The following LRBA variants were observed in gnomAD, a reference collection of about 807,000 sequenced individuals.
The protein encoded by LRBA is LPS responsive beige-like anchor protein, also known as lipopolysaccharide-responsive and beige-like anchor protein.
LRBA carries 176 observed loss-of-function variants against 330.0 expected under a neutral mutation model. That is an observed-to-expected ratio of 0.53 (90% CI 0.47 to 0.60). The LOEUF (loss-of-function observed/expected upper bound fraction) is 0.60. Among genes scored for constraint, LRBA ranks in the 20% least tolerant of loss-of-function variants. The probability of loss-of-function intolerance (pLI) is 0.00; values close to 1 mark genes in which losing one functional copy is unlikely to be tolerated. For missense variants in LRBA, 3,259 were observed against 3,444.8 expected, an observed-to-expected ratio of 0.95 and a Z score of 1.35; for synonymous variants, 1,230 against 1,193.0, an observed-to-expected ratio of 1.03 and a Z score of -0.64.
chr4:150,900,453 G>A (rs185258912), intron 13 of LRBA, among the ~76,000 whole-genome samples: 2 of 152,254 alleles, frequency 1.3e-5, no homozygotes, highest in African/African-American at 2.4e-5. Flanking sequence ...ATCAAATATG[G>A]AAACTTTTTG....
intron 47 of LRBA, among the ~76,000 whole-genome samples, chr4:150,413,756 G>T (rs1490709211): frequency 6.6e-6 from 1 of 151,984 alleles, no homozygotes; most frequent in Admixed American, 6.6e-5. Flanking sequence ...TTAAGAAGTT[G>T]AATTTTATTA....
intron 34 of LRBA, among the ~76,000 whole-genome samples, chr4:150,778,750 A>G (rs1369481540): frequency 6.6e-6 from 1 of 152,180 alleles, no homozygotes; most frequent in Non-Finnish European, 1.5e-5. Flanking sequence ...GGAGCCATAT[A>G]AATGTGTCCT....
chr4:150,739,196 A>T (rs1344222142), intron 35 of LRBA, among the ~76,000 whole-genome samples: 1 of 152,194 alleles, frequency 6.6e-6, no homozygotes, highest in African/African-American at 2.4e-5. Context: ...GTATTTTGAG[A>T]TTCTAAATTT....
In LRBA at chr4:150,328,771, A is replaced by G. The variant is rs111524228; in HGVS notation, c.7363-2873T>C. 6.8e-3 allele frequency among the ~76,000 whole-genome samples: 1,032 copies of G among 152,288 alleles called. 10 individuals carry two copies. Among genetic ancestry groups the G allele is most frequent in the African/African-American group, 0.024 (980 of 41,560 alleles). The stretch of plus-strand genomic sequence containing the variant: ...GGGTGGGTGGGAGGAAAAGCAGCAT[A>G]GAGTGATATGGAAGCCATAGGATGA... On this transcript the variant is annotated intron_variant, in intron 48 of 56. Coordinates refer to ENST00000651943, the MANE Select transcript of LRBA (RefSeq NM_001364905.1).
At chr4:150,466,822 A>C (rs1381759896) in intron 44 of LRBA, among the ~76,000 whole-genome samples, 1 of 152,084 alleles carries the variant, frequency 6.6e-6, no homozygotes, top group Non-Finnish European at 1.5e-5. Context: ...ATCAGTTTGA[A>C]CTCATAATGT....
rs560599070 is a variant in LRBA at position 150,770,314 on chromosome 4, ATTTC to A, written c.5581-8471_5581-8468del. ...TGCATGAGCCAATCCCTCATAATAA[ATTTC>A]TTTGTCTGTATCTATATATATCCTA... is the stretch of plus-strand genomic sequence containing the variant. On this transcript the variant is annotated intron_variant, in intron 34 of 56. Coordinates refer to ENST00000651943, the MANE Select transcript of LRBA (RefSeq NM_001364905.1). 9.2e-5 allele frequency among the ~76,000 whole-genome samples: 14 copies of A among 152,060 alleles called. No homozygotes were observed. The South Asian group carries it at 2.7e-3, about 29-fold the overall frequency.
chr4:150,772,165 C>A (rs1407016735), intron 34 of LRBA, among the ~76,000 whole-genome samples: 1 of 152,168 alleles, frequency 6.6e-6, no homozygotes, highest in Non-Finnish European at 1.5e-5. Context: ...AAGTTCTGTC[C>A]ACTGAGAAGA....
chr4:150,617,095 G>T (rs765968893), intron 37 of LRBA, among the ~76,000 whole-genome samples: 1 of 152,008 alleles, frequency 6.6e-6, no homozygotes, highest in Non-Finnish European at 1.5e-5. Flanking sequence ...CAACTTTGAG[G>T]AGAATCAAAA....
chr4:150,715,332 A>C (rs1242925736), intron 36 of LRBA, among the ~76,000 whole-genome samples: 2 of 152,172 alleles, frequency 1.3e-5, no homozygotes, highest in Admixed American at 6.6e-5. Context: ...TTGCCAGGCT[A>C]TTCTGGTGGT....
Position 150,683,612 on chromosome 4 carries a change from T to A in LRBA, c.5860A>T (p.Ile1954Phe). Reference sequence around the variant, plus strand: ...GTGAGAATGTTGATAATTTTCTGGATTAGTTGAGTTGCTGTCACGTGGTCA... The same window carrying A: ...GTGAGAATGTTGATAATTTTCTGGAATAGTTGAGTTGCTGTCACGTGGTCA... ...YRDHVTATQL[I>F]QKIINILTDK... Residue 1954 changes from isoleucine to phenylalanine, a missense_variant, in exon 37 of 57, where the codon ATC becomes TTC. Ile to Phe is a conservative substitution (Grantham distance 21). Transcript: ENST00000651943. The A allele has an allele frequency of 1.2e-6, 2 of 1,613,768 alleles. No homozygotes were observed. Among genetic ancestry groups the A allele is most frequent in the Non-Finnish European group, 1.7e-6 (2 of 1,179,702 alleles).
intron 2 of LRBA, among the ~76,000 whole-genome samples, chr4:150,990,471 T>C (rs949685879): frequency 1.3e-5 from 2 of 152,132 alleles, no homozygotes; most frequent in Non-Finnish European, 2.9e-5. Context: ...CTCATGCCTG[T>C]AATCCCAGCA....
chr4:150,756,175 G>C (rs779236576), intron 35 of LRBA, among the ~76,000 whole-genome samples: 8 of 151,890 alleles, frequency 5.3e-5, no homozygotes, highest in Non-Finnish European at 1.0e-4. Flanking sequence ...AGACACACAA[G>C]TCATAAGACA....
intron 2 of LRBA, among the ~76,000 whole-genome samples, chr4:150,981,937 A>AG (rs1397790355): frequency 6.7e-6 from 1 of 149,796 alleles, no homozygotes; most frequent in Non-Finnish European, 1.5e-5. Flanking sequence ...CACTCCAGCC[A>AG]GGGAGACAGA....
chr4:150,820,294 T>G (rs1054597097), intron 30 of LRBA, among the ~76,000 whole-genome samples: 2 of 152,038 alleles, frequency 1.3e-5, no homozygotes, highest in African/African-American at 2.4e-5. Flanking sequence ...TTTCCCCATG[T>G]TGACCTTTCT....
At chr4:150,934,277 G>A (rs1326757924) in intron 2 of LRBA, among the ~76,000 whole-genome samples, 1 of 152,136 alleles carries the variant, frequency 6.6e-6, no homozygotes, top group Non-Finnish European at 1.5e-5. Flanking sequence ...CTATCAAGAT[G>A]GGCTCAAGCT....
intron 46 of LRBA, among the ~76,000 whole-genome samples, chr4:150,431,025 A>T (rs1443071426): frequency 6.6e-6 from 1 of 152,298 alleles, no homozygotes; most frequent in East Asian, 1.9e-4. Context: ...TGCCTAGAAA[A>T]GCTTAGATAT....
chr4:150,605,692 T>A (rs901998403), intron 37 of LRBA, among the ~76,000 whole-genome samples: 2 of 152,026 alleles, frequency 1.3e-5, no homozygotes, highest in African/African-American at 2.4e-5. Context: ...ACATTCTGTA[T>A]AAATCTTGGT....
chr4:150,763,407 T>A (rs1735360398), intron 34 of LRBA, among the ~76,000 whole-genome samples: 1 of 152,004 alleles, frequency 6.6e-6, no homozygotes, highest in Admixed American at 6.6e-5. Context: ...ATATATACTC[T>A]CTAAAATTCA....
intron 51 of LRBA, among the ~76,000 whole-genome samples, chr4:150,313,460 T>C (rs376790972): frequency 1.8e-4 from 28 of 152,128 alleles, no homozygotes; most frequent in Non-Finnish European, 3.2e-4. Flanking sequence ...AACTTAAAAA[T>C]TGTCTGAGAG....
Sources: gnomAD v4.1 joint callset for allele counts (sites outside exome capture counted in the v4.1 genomes callset) on GRCh38, gnomAD v4.1.1 for gene constraint, MANE v1.5 for transcripts, NCBI Gene and HGNC (gene_info 2026-07-23, HGNC 2026-07-21) for gene names.